The following CNTNAP2 variants were observed in gnomAD, a reference collection of about 807,000 sequenced individuals.
CNTNAP2 encodes the protein contactin associated protein 2, also known as contactin-associated protein-like 2.
Under a neutral mutation model 155.2 loss-of-function variants are expected in CNTNAP2, and 98 were observed. The ratio of observed to expected loss-of-function variants is 0.63; its 90% CI spans 0.54 to 0.75. The LOEUF is 0.75. CNTNAP2 is among the 30% of genes least tolerant of loss of function. The pLI, the probability that CNTNAP2 is intolerant of heterozygous loss-of-function variation, is 0.00. For missense variants in CNTNAP2, 1,727 were observed against 1,688.1 expected (o/e 1.02, Z -0.40); for synonymous variants, 651 against 631.2 (o/e 1.03, Z -0.47).
Position 147,840,906 on chromosome 7 carries a change from AT to A in CNTNAP2, c.2099-62658del, listed in dbSNP as rs576911539. ...CCCTCATGACTTTATGAAAAAAAAA[AT>A]CAAACCCTTGAACTCAGAAAAATTA... On this transcript the variant is annotated intron_variant, in intron 13 of 23. Transcript: ENST00000361727. Among the ~76,000 whole-genome samples the A allele has an allele frequency of 3.7e-4, 56 of 152,232 alleles. No individual in the cohort carries two copies. The East Asian group carries it at 8.9e-3, about 24-fold the overall frequency.
chr7:147,016,430 A>G (rs1249133279), intron 3 of CNTNAP2, among the ~76,000 whole-genome samples: 1 of 152,066 alleles, frequency 6.6e-6, no homozygotes, highest in Non-Finnish European at 1.5e-5. Context: ...TCTTCTGTAG[A>G]AAATCTATAA....
At chr7:147,303,023 G>T (rs1794972318) in intron 9 of CNTNAP2, among the ~76,000 whole-genome samples, 1 of 152,312 alleles carries the variant, frequency 6.6e-6, no homozygotes, top group South Asian at 2.1e-4. Flanking sequence ...CCCAGAGCTG[G>T]TGCCAGGTGA....
intron 3 of CNTNAP2, among the ~76,000 whole-genome samples, chr7:147,031,333 A>G (rs929536563): frequency 3.3e-5 from 5 of 152,204 alleles, no homozygotes; most frequent in African/African-American, 4.8e-5. Context: ...TTATTTGTCA[A>G]TATCTTAGAA....
At chr7:148,015,979 T>C (rs1214937544) in intron 15 of CNTNAP2, among the ~76,000 whole-genome samples, 1 of 152,146 alleles carries the variant, frequency 6.6e-6, no homozygotes, top group African/African-American at 2.4e-5. Context: ...ATGAAAGGGG[T>C]ACTTAGCATT....
intron 1 of CNTNAP2, among the ~76,000 whole-genome samples, chr7:146,662,439 G>GTTTGTTTTGT (rs1197027109): frequency 6.6e-6 from 1 of 151,990 alleles, no homozygotes; most frequent in African/African-American, 2.4e-5. Flanking sequence ...ACCCAGCCCA[G>GTTTGTTTTGT]TTTGTTTTGT....
intron 1 of CNTNAP2, among the ~76,000 whole-genome samples, chr7:146,192,593 T>C (rs1798722599): frequency 1.3e-5 from 2 of 152,044 alleles, no homozygotes; most frequent in African/African-American, 4.8e-5. Context: ...GAGAACATCA[T>C]GGGAAAGACC....
chr7:147,247,701 G>A (rs1002571996), intron 8 of CNTNAP2, among the ~76,000 whole-genome samples: 1 of 152,104 alleles, frequency 6.6e-6, no homozygotes, highest in Admixed American at 6.5e-5. Flanking sequence ...TTTATCATTT[G>A]CAAGAGTATA....
intron 2 of CNTNAP2, among the ~76,000 whole-genome samples, chr7:146,788,816 C>T (rs1252631974): frequency 1.3e-5 from 2 of 151,810 alleles, no homozygotes; most frequent in Non-Finnish European, 2.9e-5. Context: ...TTCAAGACAT[C>T]CACGTGTTTT....
At chr7:146,182,599 C>T (rs544603840) in intron 1 of CNTNAP2, among the ~76,000 whole-genome samples, 5 of 152,128 alleles carry the variant, frequency 3.3e-5, no homozygotes, top group South Asian at 2.1e-4. Flanking sequence ...CCATTTCCAT[C>T]GCTTCACTTT....
chr7:147,960,828 T>TCC (rs1801106286), intron 14 of CNTNAP2, among the ~76,000 whole-genome samples: 1 of 151,424 alleles, frequency 6.6e-6, no homozygotes, highest in Non-Finnish European at 1.5e-5. Context: ...CTCTCCCTCC[T>TCC]TCTCTCTCTC....
chr7:148,329,453 T>C (rs572168992), intron 21 of CNTNAP2, among the ~76,000 whole-genome samples: 355 of 152,186 alleles, frequency 2.3e-3, no homozygotes, highest in African/African-American at 7.9e-3. Flanking sequence ...AGTCTTCTAC[T>C]AGGAGGATGG....
In CNTNAP2 at chr7:146,855,807, GTATATATATATATATATATATATATATA is replaced by G. The variant is rs367900395; in HGVS notation, c.402+15922_402+15949del. ...TAAAAATATATGTGTGTGTTAATGA[GTATATATATATATATATATATATATATA>G]TATATATATATATATATACACACTT... On this transcript the variant is annotated intron_variant, in intron 3 of 23. Transcript: ENST00000361727. Among the ~76,000 whole-genome samples, 231 of 111,086 alleles carry G rather than the reference GTATATATATATATATATATATATATATA, an allele frequency of 2.1e-3. 3 individuals carry two copies. Among genetic ancestry groups the G allele is most frequent in the Middle Eastern group, 5.1e-3 (1 of 196 alleles). The allele number at this position is 111,086 out of a possible 152,430, so 72.9% of individuals were successfully genotyped here. A position where few individuals can be genotyped will look rare whatever the true frequency, so the allele number is the denominator to read the frequency against.
At chr7:147,390,355 C>T (rs1253855025) in intron 9 of CNTNAP2, among the ~76,000 whole-genome samples, 1 of 152,180 alleles carries the variant, frequency 6.6e-6, no homozygotes, top group Non-Finnish European at 1.5e-5. Context: ...CCTCAAAACT[C>T]AGTGGCTCAA....
chr7:146,355,291 G>A (rs1326475387), intron 1 of CNTNAP2, among the ~76,000 whole-genome samples: 2 of 152,112 alleles, frequency 1.3e-5, no homozygotes, highest in African/African-American at 4.8e-5. Context: ...TTGTTTAGTA[G>A]GTTTATGTCT....
chr7:148,143,904 T>A (rs907677541), intron 16 of CNTNAP2, among the ~76,000 whole-genome samples: 1 of 152,176 alleles, frequency 6.6e-6, no homozygotes, highest in African/African-American at 2.4e-5. Context: ...AAGGGAATTA[T>A]GTGTCTCATC....
intron 23 of CNTNAP2, among the ~76,000 whole-genome samples, chr7:148,414,110 C>T (rs113460970): frequency 1.0e-5 from 1 of 96,426 alleles, no homozygotes; most frequent in Admixed American, 9.7e-5. Context: ...CCCCCCCCCC[C>T]CCCTCACACA....
At chr7:147,252,807 A>T (rs999005160) in intron 8 of CNTNAP2, among the ~76,000 whole-genome samples, 2 of 152,190 alleles carry the variant, frequency 1.3e-5, no homozygotes, top group Admixed American at 6.5e-5. Context: ...CAATTACACA[A>T]TTACTCTATG....
intron 8 of CNTNAP2, among the ~76,000 whole-genome samples, chr7:147,138,199 G>T (rs528179002): frequency 6.6e-6 from 1 of 151,740 alleles, no homozygotes; most frequent in Non-Finnish European, 1.5e-5. Flanking sequence ...TTCTTAGGGC[G>T]AAAATGGAGC....
At chr7:147,305,226 T>A (rs1243323548) in intron 9 of CNTNAP2, among the ~76,000 whole-genome samples, 2 of 151,118 alleles carry the variant, frequency 1.3e-5, no homozygotes, top group African/African-American at 2.4e-5. Context: ...CCAGTTGGGG[T>A]TTTTGCTATT....
Sources: allele counts gnomAD v4.1 joint callset (sites outside exome capture counted in the v4.1 genomes callset), GRCh38; gene constraint gnomAD v4.1.1; transcripts MANE v1.5; gene names NCBI Gene and HGNC (gene_info 2026-07-23, HGNC 2026-07-21).